Variants in CEP112 observed in about 807,000 individuals in gnomAD.
CEP112 encodes centrosomal protein of 112 kDa.
A neutral mutation model predicts 153.0 loss-of-function variants in CEP112; 127 were observed. The observed-to-expected ratio is 0.83, with a 90% CI of 0.72 to 0.96. The LOEUF (loss-of-function observed/expected upper bound fraction) is 0.96. Ranked by LOEUF, CEP112 falls within the 40% of genes least tolerant of loss-of-function variation. CEP112 has a pLI of 0.00. For synonymous variants in CEP112, 358 were observed against 374.4 expected, an observed-to-expected ratio of 0.96 and a Z score of 0.51; for missense variants, 1,089 against 1,101.2, an observed-to-expected ratio of 0.99 and a Z score of 0.16.
intron 4 of CEP112, among the ~76,000 whole-genome samples, chr17:66,139,886 C>A (rs1481086629): frequency 6.6e-6 from 1 of 152,082 alleles, no homozygotes; most frequent in Non-Finnish European, 1.5e-5. Flanking sequence ...CTCCTCAAAC[C>A]CATTCAAAAC....
At chr17:65,899,977 GAACTTAA>G (rs1290001164) in intron 20 of CEP112, among the ~76,000 whole-genome samples, 2 of 152,052 alleles carry the variant, frequency 1.3e-5, no homozygotes, top group Admixed American at 1.3e-4. Context: ...AATGAATTTA[GAACTTAA>G]AAGGTATTAT....
At chr17:65,976,888 A>C (rs2063057290) in intron 17 of CEP112, among the ~76,000 whole-genome samples, 1 of 151,092 alleles carries the variant, frequency 6.6e-6, no homozygotes, top group East Asian at 1.9e-4. Flanking sequence ...ACAGGCATGC[A>C]CCCCCATGCC....
At chr17:65,689,772 C>T (rs1256290742) in intron 23 of CEP112, among the ~76,000 whole-genome samples, 1 of 152,080 alleles carries the variant, frequency 6.6e-6, no homozygotes, top group East Asian at 1.9e-4. Flanking sequence ...TGCCAAGTAG[C>T]TGTTTGAAAT....
At chr17:66,073,330 C>A (rs943666555) in intron 8 of CEP112, among the ~76,000 whole-genome samples, 2 of 152,148 alleles carry the variant, frequency 1.3e-5, no homozygotes, top group Non-Finnish European at 2.9e-5. Flanking sequence ...ATGTGGAGCA[C>A]CACAGGCCTA....
intron 24 of CEP112, among the ~76,000 whole-genome samples, chr17:65,668,404 C>T (rs892930328): frequency 6.6e-6 from 1 of 152,204 alleles, no homozygotes; most frequent in Non-Finnish European, 1.5e-5. Flanking sequence ...CAGGAACTTT[C>T]TACCCACATC....
At chr17:65,677,975 C>T (rs183352336) in intron 24 of CEP112, among the ~76,000 whole-genome samples, 1 of 152,188 alleles carries the variant, frequency 6.6e-6, no homozygotes, top group Admixed American at 6.5e-5. Context: ...TAAACAATTG[C>T]AATTGCTTCT....
chr17:65,975,720 A>G (rs1449749918), intron 17 of CEP112, among the ~76,000 whole-genome samples: 1 of 152,210 alleles, frequency 6.6e-6, no homozygotes, highest in Non-Finnish European at 1.5e-5. Context: ...CATAAGATAG[A>G]ATAGGAAAAG....
intron 12 of CEP112, among the ~76,000 whole-genome samples, chr17:66,049,013 T>C (rs1026356358): frequency 2.0e-5 from 3 of 152,252 alleles, no homozygotes; most frequent in African/African-American, 7.2e-5. Flanking sequence ...AGCTGATGTA[T>C]TACAATCTAG....
At chr17:66,166,923 C>A (rs1429064639) in intron 4 of CEP112, among the ~76,000 whole-genome samples, 125 of 125,942 alleles carry the variant, frequency 9.9e-4, no homozygotes, top group African/African-American at 3.0e-3. Flanking sequence ...AAAAAAAAAA[C>A]ACACAGTTAC....
rs1216171790 is a variant in CEP112, at chr17:65,730,801, A to G, written c.2607+12267T>C. 1.6e-5 allele frequency among the ~76,000 whole-genome samples: 2 copies of G among 127,640 alleles called. 1 individual carries two copies. The highest frequency in any genetic ancestry group is 1.9e-4 in the Admixed American group (2 of 10,720). 83.7% of individuals were successfully genotyped at this position (127,640 alleles called of 152,430 possible). A position where few individuals can be genotyped will look rare whatever the true frequency, so the allele number is the denominator to read the frequency against. ...CCCAACCAAGCCCTTCTGGTAACAC[A>G]GACCAGATTGCTAGATGTCCTACTG... On this transcript the variant is annotated intron_variant, in intron 23 of 26. Transcript: ENST00000535342.
intron 4 of CEP112, among the ~76,000 whole-genome samples, chr17:66,142,769 GA>G (rs2070761736): frequency 6.6e-6 from 1 of 152,090 alleles, no homozygotes; most frequent in South Asian, 2.1e-4. Flanking sequence ...AATACATTTT[GA>G]AATCAGGAAG....
chr17:65,836,595 A>G (rs890839621), intron 21 of CEP112, among the ~76,000 whole-genome samples: 1 of 152,246 alleles, frequency 6.6e-6, no homozygotes, highest in Non-Finnish European at 1.5e-5. Context: ...TTGTAAATAT[A>G]CCTGCACCCA....
intron 21 of CEP112, among the ~76,000 whole-genome samples, chr17:65,795,035 A>C (rs1358959024): frequency 6.6e-6 from 1 of 152,238 alleles, no homozygotes; most frequent in Non-Finnish European, 1.5e-5. Context: ...AGTGCTAGGC[A>C]TATAAAGCCC....
chr17:65,911,523 A>G (rs1001780193), intron 19 of CEP112, among the ~76,000 whole-genome samples: 1 of 152,118 alleles, frequency 6.6e-6, no homozygotes, highest in Non-Finnish European at 1.5e-5. Context: ...ATGTTTTTCT[A>G]AATTTTAGAA....
chr17:65,682,704 T>C (rs1328898797), intron 24 of CEP112, among the ~76,000 whole-genome samples: 1 of 152,150 alleles, frequency 6.6e-6, no homozygotes, highest in Non-Finnish European at 1.5e-5. Context: ...TGTTTTCCTC[T>C]TCACTGATAT....
intron 23 of CEP112, among the ~76,000 whole-genome samples, chr17:65,718,968 T>A (rs921408096): frequency 2.0e-5 from 3 of 152,214 alleles, no homozygotes; most frequent in Non-Finnish European, 4.4e-5. Flanking sequence ...AAAACAGATC[T>A]GAGGACTCAC....
At chr17:65,658,985 C>T (rs1375528687) in intron 24 of CEP112, among the ~76,000 whole-genome samples, 1 of 138,826 alleles carries the variant, frequency 7.2e-6, no homozygotes. Context: ...CACTGCACTC[C>T]AGCCTGGGTG....
chr17:65,815,290 A>T (rs191683768), intron 21 of CEP112, among the ~76,000 whole-genome samples: 16 of 152,184 alleles, frequency 1.1e-4, no homozygotes, highest in Admixed American at 2.0e-4. Context: ...TCCTTCCCCC[A>T]TTCATTATCT....
chr17:65,916,851 T>C (rs2060511713), intron 19 of CEP112, among the ~76,000 whole-genome samples: 1 of 152,086 alleles, frequency 6.6e-6, no homozygotes, highest in Non-Finnish European at 1.5e-5. Flanking sequence ...CCAGCCCATC[T>C]TTGCTCTTTT....
Sources: allele counts gnomAD v4.1 joint callset (sites outside exome capture counted in the v4.1 genomes callset), GRCh38; gene constraint gnomAD v4.1.1; transcripts MANE v1.5; gene names NCBI Gene and HGNC (gene_info 2026-07-23, HGNC 2026-07-21).